TRIM2: variants seen among roughly 807,000 people sequenced by gnomAD.
TRIM2 encodes the protein tripartite motif-containing protein 2.
TRIM2 carries 20 observed loss-of-function variants against 75.2 expected under a neutral mutation model. The observed-to-expected ratio is 0.27, with a 90% CI of 0.19 to 0.39. The LOEUF (loss-of-function observed/expected upper bound fraction) is 0.39, where lower values mean the gene tolerates loss of function less well. Among genes scored for constraint, TRIM2 ranks in the 10% least tolerant of loss-of-function variants. TRIM2 has a pLI of 1.00. For missense variants in TRIM2, 660 were observed against 990.8 expected (o/e 0.67, Z 4.48); for synonymous variants, 373 against 388.3 (o/e 0.96, Z 0.46).
At chr4:153,201,821 G>A (rs1338576326), upstream of TRIM2, among the ~76,000 whole-genome samples, 1 of 152,188 alleles carries the variant, frequency 6.6e-6, no homozygotes, top group East Asian at 1.9e-4. Context: ...CACTTGTGAA[G>A]GCTATGTCAC....
chr4:153,269,347 A>G (rs1756063494), intron 1 of TRIM2, among the ~76,000 whole-genome samples: 1 of 152,216 alleles, frequency 6.6e-6, no homozygotes, highest in Non-Finnish European at 1.5e-5. Context: ...TAGTAAGATC[A>G]TTTTGCAAGA....
chr4:153,287,446 T>C (rs1411093342), intron 3 of TRIM2, among the ~76,000 whole-genome samples: 1 of 152,230 alleles, frequency 6.6e-6, no homozygotes, highest in Non-Finnish European at 1.5e-5. Context: ...AGAAAGGCTT[T>C]CTTTCCTTTT....
At chr4:153,267,519 G>A (rs1054695496) in intron 1 of TRIM2, among the ~76,000 whole-genome samples, 1 of 152,080 alleles carries the variant, frequency 6.6e-6, no homozygotes. Context: ...GGGCGTGGTG[G>A]CGGGCCCCTG....
At chr4:153,312,232 A>C (rs1766525176) in intron 6 of TRIM2, among the ~76,000 whole-genome samples, 1 of 151,868 alleles carries the variant, frequency 6.6e-6, no homozygotes, top group Admixed American at 6.6e-5. Context: ...TGTCCCTACA[A>C]AGGACATGAA....
chr4:153,288,073 T>C (rs1040241225), intron 3 of TRIM2, among the ~76,000 whole-genome samples: 3 of 152,210 alleles, frequency 2.0e-5, no homozygotes, highest in African/African-American at 7.2e-5. Flanking sequence ...GTTTATTTTT[T>C]TTTCAGCAGT....
At chr4:153,192,379 G>C (rs1733284989) in intron 1 of TRIM2, among the ~76,000 whole-genome samples, 1 of 152,252 alleles carries the variant, frequency 6.6e-6, no homozygotes, top group Admixed American at 6.5e-5. Context: ...GGCCAAGGCA[G>C]GTGGATCACT....
At chr4:153,202,339 G>T (rs1157461813), upstream of TRIM2, among the ~76,000 whole-genome samples, 1 of 152,104 alleles carries the variant, frequency 6.6e-6, no homozygotes, top group Admixed American at 6.6e-5. Flanking sequence ...TATAATTTAT[G>T]CAATGCCACA....
chr4:153,327,117 T>C (rs563982844), intron 10 of TRIM2, among the ~76,000 whole-genome samples: 7 of 152,168 alleles, frequency 4.6e-5, no homozygotes, highest in Non-Finnish European at 8.8e-5. Flanking sequence ...CAATGTGTTA[T>C]GTAAAAGGAG....
rs540145396 is a variant in TRIM2 at position 153,318,595 on chromosome 4, A to G, written c.1782+2596A>G. On this transcript the variant is annotated intron_variant, in intron 8 of 11. Transcript: ENST00000338700. Reference sequence around the variant, plus strand: ...GACATACCCAAATATGACAAGTTTAATGTGAATATTTATATCTTGAATATC... The same window carrying G: ...GACATACCCAAATATGACAAGTTTAGTGTGAATATTTATATCTTGAATATC... Among the ~76,000 whole-genome samples, 53 of 152,352 alleles carry G rather than the reference A, an allele frequency of 3.5e-4. 1 individual carries two copies. In the South Asian group the frequency reaches 8.5e-3, roughly 24 times the overall value.
Position 153,326,263 on chromosome 4 carries a change from AT to A in TRIM2, c.2022+2117del, listed in dbSNP as rs1288850484. Among the ~76,000 whole-genome samples the A allele has an allele frequency of 2.6e-5, 4 of 152,238 alleles. No homozygotes were observed. The East Asian group carries it at 7.7e-4, about 29-fold the overall frequency. On this transcript the variant is annotated intron_variant, in intron 10 of 11. Transcript: ENST00000338700. Reference sequence around the variant, plus strand: ...AAATAGAAAATATGAAACATTTATAATTCTTAATATTCTGAAAACTCTTCAA... The same window carrying A: ...AAATAGAAAATATGAAACATTTATAATCTTAATATTCTGAAAACTCTTCAA...
At chr4:153,249,322 G>A (rs1484487468) in intron 1 of TRIM2, among the ~76,000 whole-genome samples, 1 of 152,148 alleles carries the variant, frequency 6.6e-6, no homozygotes, top group African/African-American at 2.4e-5. Flanking sequence ...TGTTGCTATG[G>A]AGCCCGGGCC....
At chr4:153,223,308 C>T (rs563524247) in intron 1 of TRIM2, among the ~76,000 whole-genome samples, 1 of 152,270 alleles carries the variant, frequency 6.6e-6, no homozygotes, top group Admixed American at 6.5e-5. Flanking sequence ...CTCAGTCACC[C>T]GCGTCATGCA....
intron 1 of TRIM2, among the ~76,000 whole-genome samples, chr4:153,229,916 A>G (rs964361574): frequency 5.3e-5 from 8 of 152,188 alleles, no homozygotes; most frequent in African/African-American, 1.7e-4. Context: ...TGCATTCACC[A>G]AGTACTGCCA....
chr4:153,260,724 A>ACACACACACACACACACAT (rs528342465), intron 1 of TRIM2, among the ~76,000 whole-genome samples: 16 of 112,654 alleles, frequency 1.4e-4, no homozygotes, highest in African/African-American at 4.3e-4. Flanking sequence ...ACACACACAC[A>ACACACACACACACACACAT]CATCATCATC....
At chr4:153,315,117 C>G (rs776206291) in intron 6 of TRIM2, among the ~76,000 whole-genome samples, 2 of 152,172 alleles carry the variant, frequency 1.3e-5, no homozygotes, top group Non-Finnish European at 2.9e-5. Flanking sequence ...CAGCACAGAC[C>G]TGACAGATAG....
intron 1 of TRIM2, among the ~76,000 whole-genome samples, chr4:153,190,085 A>ATGGAG (rs1733024252): frequency 6.6e-6 from 1 of 152,220 alleles, no homozygotes; most frequent in East Asian, 1.9e-4. Context: ...AGCTCAGCAA[A>ATGGAG]TTCCTTTCGG....
At chr4:153,281,672 C>G (rs894642389) in intron 3 of TRIM2, among the ~76,000 whole-genome samples, 1 of 152,198 alleles carries the variant, frequency 6.6e-6, no homozygotes, top group Non-Finnish European at 1.5e-5. Context: ...CTGATTGGCA[C>G]GTGTGGATGA....
chr4:153,254,122 T>C (rs1345061698), intron 1 of TRIM2, among the ~76,000 whole-genome samples: 2 of 152,158 alleles, frequency 1.3e-5, no homozygotes, highest in Non-Finnish European at 2.9e-5. Context: ...AGGAAGCAGA[T>C]GCCGGATTGT....
intron 1 of TRIM2, among the ~76,000 whole-genome samples, chr4:153,155,438 T>C (rs1168165964): frequency 1.3e-5 from 2 of 152,056 alleles, no homozygotes; most frequent in Non-Finnish European, 2.9e-5. Flanking sequence ...GGGTTCAGAA[T>C]GGGGAAATCA....
Sources: gnomAD v4.1 joint callset for allele counts (sites outside exome capture counted in the v4.1 genomes callset) on GRCh38, gnomAD v4.1.1 for gene constraint, MANE v1.5 for transcripts, NCBI Gene and HGNC (gene_info 2026-07-23, HGNC 2026-07-21) for gene names.